The following ATXN8OS variants were observed in gnomAD, a reference collection of about 807,000 sequenced individuals.
The protein encoded by ATXN8OS is ATXN8 opposite strand lncRNA.
chr13:70,167,723 C>CTTTTTTTTTTTTTT (rs4053603), intron 4 of ATXN8OS, among the ~76,000 whole-genome samples: 1 of 61,882 alleles, frequency 1.6e-5, no homozygotes, highest in African/African-American at 5.6e-5. Context: ...TATGTAACTT[C>CTTTTTTTTTTTTTT]TTTTTTTTTT....
intron 1 of ATXN8OS, among the ~76,000 whole-genome samples, chr13:70,112,066 C>T (rs1280482908): frequency 6.6e-6 from 1 of 152,132 alleles, no homozygotes; most frequent in African/African-American, 2.4e-5. Flanking sequence ...AACTTATAAT[C>T]ATGGCAGAAG....
exon 5 of ATXN8OS, among the ~76,000 whole-genome samples, chr13:70,170,010 C>T (rs553919038): frequency 6.6e-6 from 1 of 152,208 alleles, no homozygotes; most frequent in East Asian, 1.9e-4. Context: ...ATTGGCATTT[C>T]CTTGTTCTCT....
At chr13:70,127,146 G>A (rs1427017031) in intron 2 of ATXN8OS, among the ~76,000 whole-genome samples, 2 of 151,758 alleles carry the variant, frequency 1.3e-5, no homozygotes, top group African/African-American at 2.4e-5. Flanking sequence ...ATTCAAATTG[G>A]ATAATAGCTC....
At chr13:70,132,072 A>G (rs1334520911) in intron 3 of ATXN8OS, among the ~76,000 whole-genome samples, 1 of 152,200 alleles carries the variant, frequency 6.6e-6, no homozygotes, top group East Asian at 1.9e-4. Context: ...ATATTTAAAT[A>G]GCATTCATGT....
chr13:70,159,687 G>C (rs572879298), intron 4 of ATXN8OS, among the ~76,000 whole-genome samples: 14 of 152,184 alleles, frequency 9.2e-5, no homozygotes, highest in African/African-American at 2.6e-4. Flanking sequence ...CGCTGTCTTT[G>C]TTGTAGCCAA....
chr13:70,156,289 C>T (rs1470356238), intron 4 of ATXN8OS, among the ~76,000 whole-genome samples: 1 of 151,570 alleles, frequency 6.6e-6, no homozygotes, highest in Non-Finnish European at 1.5e-5. Flanking sequence ...GTTAAATTCA[C>T]TTTCCAAGTA....
At chr13:70,128,852 C>T (rs890209322) in intron 2 of ATXN8OS, among the ~76,000 whole-genome samples, 10 of 113,964 alleles carry the variant, frequency 8.8e-5, no homozygotes, top group Non-Finnish European at 1.6e-4. Flanking sequence ...AACAAAATCC[C>T]CCCACCTTTT....
chr13:70,159,678 G>T (rs570126780), intron 4 of ATXN8OS, among the ~76,000 whole-genome samples: 3 of 152,044 alleles, frequency 2.0e-5, no homozygotes, highest in African/African-American at 7.2e-5. Context: ...ATTCCATGGC[G>T]CTGTCTTTGT....
rs1269779016 is a variant in ATXN8OS at position 70,163,341 on chromosome 13, T to C, written n.574-6412T>C. 2.6e-5 allele frequency among the ~76,000 whole-genome samples: 4 copies of C among 151,998 alleles called. No individual in the cohort carries two copies. The East Asian group carries it at 7.7e-4, about 29-fold the overall frequency. On this transcript the variant is annotated intron_variant and non_coding_transcript_variant, in intron 4 of 4. Transcript: ENST00000678624. ...CTAACCACATTGGCTGGCATCTAAG[T>C]CCAGGATCTTAATTATTACACAAAA...
chr13:70,145,283 G>A (rs1035374684), intron 3 of ATXN8OS, among the ~76,000 whole-genome samples: 8 of 152,030 alleles, frequency 5.3e-5, no homozygotes, highest in East Asian at 1.9e-4. Flanking sequence ...GTCAGGTAGC[G>A]TGATGACTCC....
At chr13:70,136,832 C>T (rs1252338178) in intron 3 of ATXN8OS, among the ~76,000 whole-genome samples, 5 of 152,152 alleles carry the variant, frequency 3.3e-5, no homozygotes, top group Admixed American at 2.0e-4. Context: ...ATAAAATAAA[C>T]GTTTCGTAGG....
chr13:70,155,491 A>G (rs1322916181), intron 4 of ATXN8OS, among the ~76,000 whole-genome samples: 1 of 152,152 alleles, frequency 6.6e-6, no homozygotes, highest in Admixed American at 6.6e-5. Flanking sequence ...ATCAACTAGT[A>G]TTCCAGTGTC....
chr13:70,113,848 C>T (rs1448539820), intron 1 of ATXN8OS, among the ~76,000 whole-genome samples: 2 of 152,104 alleles, frequency 1.3e-5, no homozygotes, highest in African/African-American at 4.8e-5. Context: ...AAATGCATGG[C>T]TTTAAAAGCT....
At chr13:70,159,196 TC>T (rs35469008) in intron 4 of ATXN8OS, among the ~76,000 whole-genome samples, 72,820 of 136,898 alleles carry the variant, frequency 0.53, 19,728 homozygotes, top group Non-Finnish European at 0.64. Flanking sequence ...TCTCTCTCTC[TC>T]TCACTTTTTA....
At chr13:70,145,499 C>T (rs1039474989) in intron 3 of ATXN8OS, among the ~76,000 whole-genome samples, 1 of 151,814 alleles carries the variant, frequency 6.6e-6, no homozygotes, top group Non-Finnish European at 1.5e-5. Flanking sequence ...AATGTTCTTC[C>T]ATTTGTTTGT....
intron 4 of ATXN8OS, among the ~76,000 whole-genome samples, chr13:70,169,425 T>C (rs2479954): frequency 0.93 from 140,853 of 151,978 alleles, 65,831 homozygotes; most frequent in East Asian, 0.99. Context: ...GCCTCCCTAA[T>C]AGCTTGGATT....
intron 2 of ATXN8OS, among the ~76,000 whole-genome samples, chr13:70,127,273 C>A (rs1593761757): frequency 6.6e-6 from 1 of 151,880 alleles, no homozygotes; most frequent in East Asian, 1.9e-4. Flanking sequence ...AGATCTAGAT[C>A]CTATTAACTT....
At chr13:70,119,962 G>T (rs1490565799) in intron 2 of ATXN8OS, among the ~76,000 whole-genome samples, 1 of 151,790 alleles carries the variant, frequency 6.6e-6, no homozygotes, top group African/African-American at 2.4e-5. Flanking sequence ...CAAGCATTTT[G>T]GAATATGTAT....
Position 70,107,879 on chromosome 13 carries a change from G to T in ATXN8OS, n.100G>T, listed in dbSNP as rs935425832. On this transcript the variant is annotated non_coding_transcript_exon_variant, in exon 1 of 5. Coordinates refer to ENST00000678624, the Ensembl canonical transcript of ATXN8OS. ...GCCAGGCGAAGGCTGGAGCGCAGAC[G>T]GCAAAGCCGCGCGTTTCAGCCGTGG... 1.3e-5 allele frequency: 7 copies of T among 547,936 alleles called. No homozygotes were observed. In the East Asian group the frequency reaches 1.5e-4, roughly 12 times the overall value. The allele number at this position is 547,936 out of a possible 1,614,324, so 33.9% of individuals were successfully genotyped here.
Sources: allele counts gnomAD v4.1 joint callset (sites outside exome capture counted in the v4.1 genomes callset), GRCh38; gene constraint gnomAD v4.1.1; transcripts MANE v1.5; gene names NCBI Gene and HGNC (gene_info 2026-07-23, HGNC 2026-07-21).